UGT1A7: variants seen among roughly 807,000 people sequenced by gnomAD.
The protein encoded by UGT1A7 is UDP-glucuronosyltransferase 1A7.
In UGT1A7, 33 loss-of-function variants were observed where a neutral mutation model predicts 45.6. That is an observed-to-expected ratio of 0.72 (90% CI 0.55 to 0.97). The LOEUF (loss-of-function observed/expected upper bound fraction) is 0.97, where lower values mean the gene tolerates loss of function less well. Among genes scored for constraint, UGT1A7 ranks in the 50% least tolerant of loss-of-function variants. UGT1A7 has a pLI of 0.00. For synonymous variants in UGT1A7, 274 were observed against 250.6 expected, an observed-to-expected ratio of 1.09 and a Z score of -0.88; for missense variants, 684 against 666.2, an observed-to-expected ratio of 1.03 and a Z score of -0.29.
chr2:233,743,154 T>C (rs3796088), intron 1 of UGT1A7: 32,247 of 360,776 alleles, frequency 0.089, 2,110 homozygotes, highest in East Asian at 0.21. Context: ...CCGCTATTCC[T>C]CCAGATGTGC....
chr2:233,710,147 T>C (rs2076113994), intron 1 of UGT1A7, among the ~76,000 whole-genome samples: 1 of 152,240 alleles, frequency 6.6e-6, no homozygotes, highest in South Asian at 2.1e-4. Context: ...TATAGATATA[T>C]CATCATTTGC....
chr2:233,741,488 C>CA (rs1484608191), intron 1 of UGT1A7: 1 of 151,842 alleles, frequency 6.6e-6, no homozygotes, highest in Non-Finnish European at 1.5e-5. Context: ...GTCTGATGTA[C>CA]AAAAAACTGA....
At chr2:233,736,503 C>T (rs924355972) in intron 1 of UGT1A7, among the ~76,000 whole-genome samples, 2 of 152,196 alleles carry the variant, frequency 1.3e-5, no homozygotes, top group African/African-American at 2.4e-5. Context: ...CTTCTGAAGC[C>T]TACTTCTGTC....
intron 1 of UGT1A7, among the ~76,000 whole-genome samples, chr2:233,705,578 G>T (rs549130522): frequency 3.3e-5 from 5 of 152,170 alleles, no homozygotes; most frequent in Non-Finnish European, 7.3e-5. Flanking sequence ...GGATAGAAAT[G>T]GTTTATGGAT....
intron 1 of UGT1A7, chr2:233,761,110 G>A: frequency 1.9e-6 from 3 of 1,614,198 alleles, no homozygotes; most frequent in African/African-American, 1.3e-5. Context: ...TATGGTTTTT[G>A]TTGGTGGAAT....
intron 2 of UGT1A7, 64 bp downstream of exon 2, chr2:233,767,229 A>T (rs1699343711): frequency 6.2e-7 from 1 of 1,610,454 alleles, no homozygotes; most frequent in South Asian, 1.1e-5. Context: ...CCAGACTTCC[A>T]GCTTCCAGAT....
intron 1 of UGT1A7, among the ~76,000 whole-genome samples, chr2:233,739,213 A>G (rs1053433139): frequency 6.6e-6 from 1 of 152,254 alleles, no homozygotes; most frequent in Non-Finnish European, 1.5e-5. Context: ...CTGCATGGAT[A>G]GAGTCCTTAT....
intron 1 of UGT1A7, chr2:233,747,760 A>G: frequency 6.2e-7 from 1 of 1,613,440 alleles, no homozygotes; most frequent in South Asian, 1.1e-5. Context: ...TTAGACTTTA[A>G]GGGCACACAG....
chr2:233,747,408 A>C, intron 1 of UGT1A7: 1 of 1,607,228 alleles, frequency 6.2e-7, no homozygotes. Flanking sequence ...CCCAGAGGTG[A>C]ATATGCACAT....
chr2:233,727,376 G>A lies in UGT1A7; in HGVS notation c.856-39658G>A, dbSNP rs2077610923. The stretch of plus-strand genomic sequence containing the variant: ...TATCCTTAGGGCCCCTAGGTCTCTG[G>A]AGTACCACCGTCTTCCAAGATACAT... On this transcript the variant is annotated intron_variant, in intron 1 of 4. Transcript: ENST00000373426. Among the ~76,000 whole-genome samples the A allele has an allele frequency of 2.0e-5, 3 of 152,142 alleles. No homozygotes were observed. The South Asian group carries it at 6.2e-4, about 32-fold the overall frequency.
At chr2:233,713,396 G>A in intron 1 of UGT1A7, 1 of 1,614,032 alleles carries the variant, frequency 6.2e-7, no homozygotes, top group Non-Finnish European at 8.5e-7. Context: ...TGCATAATGA[G>A]GCCCTGATCA....
intron 1 of UGT1A7, among the ~76,000 whole-genome samples, chr2:233,707,608 G>A (rs2075975887): frequency 2.0e-5 from 3 of 148,460 alleles, no homozygotes; most frequent in Admixed American, 2.0e-4. Flanking sequence ...GTTGTAGTTT[G>A]TGGATTGTCA....
At chr2:233,736,121 A>G (rs1050675156) in intron 1 of UGT1A7, among the ~76,000 whole-genome samples, 2 of 152,066 alleles carry the variant, frequency 1.3e-5, no homozygotes, top group African/African-American at 4.8e-5. Context: ...ACTTGTTTCC[A>G]TTCTCCGCAT....
chr2:233,693,522 G>C lies in UGT1A7; in HGVS notation c.855+10730G>C. On this transcript the variant is annotated intron_variant, in intron 1 of 4. Coordinates refer to ENST00000373426, the MANE Select transcript of UGT1A7 (RefSeq NM_019077.3). Reference sequence around the variant, plus strand: ...CTACCATCTGTGTACCTCTTCAGGGGTTTTCCGTGTTCCCTGGAGCATACA... The same window carrying C: ...CTACCATCTGTGTACCTCTTCAGGGCTTTTCCGTGTTCCCTGGAGCATACA... 6.2e-7 allele frequency: 1 copy of C among 1,614,162 alleles called. No individual in the cohort carries two copies. The highest frequency in any genetic ancestry group is 8.5e-7 in the Non-Finnish European group (1 of 1,180,018).
chr2:233,736,300 A>G (rs1483271188), intron 1 of UGT1A7, among the ~76,000 whole-genome samples: 4 of 152,002 alleles, frequency 2.6e-5, no homozygotes, highest in Non-Finnish European at 1.5e-5. Flanking sequence ...AGTTGCTCTA[A>G]TCAGCTATTG....
chr2:233,738,642 C>A (rs182421853), intron 1 of UGT1A7, among the ~76,000 whole-genome samples: 1 of 152,330 alleles, frequency 6.6e-6, no homozygotes, highest in East Asian at 1.9e-4. Context: ...TGCCCTAGAG[C>A]TCTTTGGAAC....
At chr2:233,747,297 T>TG (rs1437353605) in intron 1 of UGT1A7, 13 of 1,601,102 alleles carry the variant, frequency 8.1e-6, no homozygotes, top group Non-Finnish European at 1.1e-5. Context: ...GGGCTGAGAG[T>TG]GGGAAGGTGC....
chr2:233,769,493 G>C lies in UGT1A7; in HGVS notation c.1295+1054G>C, dbSNP rs1230643911. 1 of 1,612,700 alleles carries C rather than the reference G, an allele frequency of 6.2e-7. No homozygotes were observed. Among genetic ancestry groups the C allele is most frequent in the Admixed American group, 1.7e-5 (1 of 60,004 alleles). On this transcript the variant is annotated intron_variant, in intron 4 of 4. Coordinates refer to ENST00000373426, the MANE Select transcript of UGT1A7 (RefSeq NM_019077.3). This position sits in a 1 kb window ranked among gnomAD's most constrained non-coding sequence, Gnocchi z 4.4. ...TGTGTGTGTGTGCGTGTGTTTATGA[G>C]AGTGTCCATTGCTTTCTCCCATGGT... is the stretch of plus-strand genomic sequence containing the variant.
At chr2:233,703,011 C>T (rs1035820538) in intron 1 of UGT1A7, among the ~76,000 whole-genome samples, 5 of 152,184 alleles carry the variant, frequency 3.3e-5, no homozygotes, top group African/African-American at 1.2e-4. Context: ...TGGGAACAGT[C>T]TGTCAAGAAT....
Sources: allele counts gnomAD v4.1 joint callset (sites outside exome capture counted in the v4.1 genomes callset), GRCh38; gene constraint gnomAD v4.1.1; non-coding constraint Gnocchi (gnomAD v3.1); transcripts MANE v1.5; gene names NCBI Gene and HGNC (gene_info 2026-07-23, HGNC 2026-07-21).